LRRTM3: variants seen among roughly 807,000 people sequenced by gnomAD.
LRRTM3 encodes leucine rich repeat transmembrane neuronal 3, also known as leucine-rich repeat transmembrane neuronal protein 3.
In LRRTM3, 24 loss-of-function variants were observed where a neutral mutation model predicts 44.7. The ratio of observed to expected loss-of-function variants is 0.54; its 90% CI spans 0.39 to 0.76. The LOEUF (loss-of-function observed/expected upper bound fraction) is 0.76, where lower values mean the gene tolerates loss of function less well. Ranked by LOEUF, LRRTM3 falls within the 30% of genes least tolerant of loss-of-function variation. The pLI, the probability that LRRTM3 is intolerant of heterozygous loss-of-function variation, is 0.00. For missense variants in LRRTM3, 587 were observed against 702.2 expected (o/e 0.84, Z 1.85); for synonymous variants, 277 against 278.7 (o/e 0.99, Z 0.06).
At chr10:67,034,763 G>T (rs928879809) in intron 2 of LRRTM3, among the ~76,000 whole-genome samples, 1 of 152,138 alleles carries the variant, frequency 6.6e-6, no homozygotes, top group Admixed American at 6.6e-5. Flanking sequence ...TCTCTTTCAT[G>T]TAATATTAAA....
At chr10:67,080,778 G>A (rs1190519065) in intron 2 of LRRTM3, among the ~76,000 whole-genome samples, 2 of 151,866 alleles carry the variant, frequency 1.3e-5, no homozygotes, top group Non-Finnish European at 2.9e-5. Context: ...GCGTGGTGGC[G>A]GGCGCCTGTG....
chr10:67,041,720 C>T (rs1434853761), intron 2 of LRRTM3, among the ~76,000 whole-genome samples: 1 of 152,102 alleles, frequency 6.6e-6, no homozygotes, highest in African/African-American at 2.4e-5. Context: ...AAATTGAGTT[C>T]TTACCATGAG....
chr10:67,001,153 T>C (rs1313889509), intron 2 of LRRTM3, among the ~76,000 whole-genome samples: 1 of 150,782 alleles, frequency 6.6e-6, no homozygotes, highest in Admixed American at 6.6e-5. Flanking sequence ...ATACAAAAAT[T>C]AGCTAGGGGT....
intron 2 of LRRTM3, among the ~76,000 whole-genome samples, chr10:67,083,455 C>G (rs139056430): frequency 1.3e-5 from 2 of 151,792 alleles, no homozygotes; most frequent in Non-Finnish European, 2.9e-5. Flanking sequence ...GCAGAATAAC[C>G]TGATCCCACT....
chr10:67,068,123 T>C (rs1216560694), intron 2 of LRRTM3, among the ~76,000 whole-genome samples: 3 of 152,106 alleles, frequency 2.0e-5, no homozygotes, highest in South Asian at 2.1e-4. Flanking sequence ...GGAAACTATT[T>C]AGAGAAATAA....
chr10:67,022,860 C>T lies in LRRTM3; in HGVS notation c.1537-74727C>T, dbSNP rs1319136076. ...GGCTGAGGCAGGAGAATAGCTTGAA[C>T]CCGGGTGGCGGAGGTTGCAGTGAGC... On this transcript the variant is annotated intron_variant, in intron 2 of 2. Transcript: ENST00000361320. Among the ~76,000 whole-genome samples the T allele has an allele frequency of 5.9e-5, 9 of 152,186 alleles. No homozygotes were observed. The South Asian group carries it at 1.7e-3, about 28-fold the overall frequency.
intron 2 of LRRTM3, among the ~76,000 whole-genome samples, chr10:66,955,565 C>T (rs1848743443): frequency 2.6e-5 from 4 of 152,096 alleles, no homozygotes; most frequent in South Asian, 2.1e-4. Flanking sequence ...TCCTCATTGC[C>T]TCTCATAACA....
intron 2 of LRRTM3, among the ~76,000 whole-genome samples, chr10:67,025,027 G>C (rs552475700): frequency 4.0e-5 from 6 of 151,768 alleles, no homozygotes; most frequent in African/African-American, 1.4e-4. Context: ...CTACTCGGGA[G>C]GCTGAGGCAG....
intron 2 of LRRTM3, among the ~76,000 whole-genome samples, chr10:66,935,678 T>A (rs1234526060): frequency 6.6e-6 from 1 of 151,996 alleles, no homozygotes; most frequent in Non-Finnish European, 1.5e-5. Context: ...TCCTATAATG[T>A]GAAGATATTT....
chr10:66,959,712 A>G (rs1849013856), intron 2 of LRRTM3, among the ~76,000 whole-genome samples: 1 of 151,962 alleles, frequency 6.6e-6, no homozygotes. Flanking sequence ...TGCAATCTCT[A>G]ATTTCTTAAG....
chr10:66,966,689 A>G (rs951432342), intron 2 of LRRTM3, among the ~76,000 whole-genome samples: 2 of 152,096 alleles, frequency 1.3e-5, no homozygotes, highest in East Asian at 1.9e-4. Context: ...AAACATTAAC[A>G]TAAGAATAAA....
Position 66,927,754 on chromosome 10 carries a change from C to A in LRRTM3, c.838C>A (p.Leu280Met). 6.2e-7 allele frequency: 1 copy of A among 1,614,212 alleles called. No homozygotes were observed. Among genetic ancestry groups the A allele is most frequent in the East Asian group, 2.2e-5 (1 of 44,876 alleles). ...GPSVFQCVPN[L>M]QRLNLDSNKL... is the part of the protein sequence containing the mutation. ...CAGTGTTTTCCAGTGTGTCCCGAAT[C>A]TGCAGCGCCTCAACCTGGATTCCAA... The change falls in exon 2 of 3, where the codon CTG becomes ATG. Residue 280 changes from leucine (L) to methionine (M), a missense_variant. Leu to Met is a conservative substitution (Grantham distance 15). Around this residue, in one of 3 missense-constraint regions of LRRTM3, gnomAD observed 222 missense variants for 323.3 expected, o/e 0.69. Coordinates refer to ENST00000361320, the MANE Select transcript of LRRTM3 (RefSeq NM_178011.5). The surrounding 1 kb of genome is among the most constrained non-coding windows in gnomAD (Gnocchi z 4.7).
At chr10:67,010,306 C>G (rs1262730853) in intron 2 of LRRTM3, among the ~76,000 whole-genome samples, 1 of 152,088 alleles carries the variant, frequency 6.6e-6, no homozygotes, top group Non-Finnish European at 1.5e-5. Context: ...TTAGAATAAT[C>G]TTTGGATACA....
At chr10:66,975,087 A>T (rs1418857630) in intron 2 of LRRTM3, among the ~76,000 whole-genome samples, 1 of 152,148 alleles carries the variant, frequency 6.6e-6, no homozygotes, top group Non-Finnish European at 1.5e-5. Flanking sequence ...GTAGCTGACC[A>T]AAAGGGTCAT....
intron 2 of LRRTM3, among the ~76,000 whole-genome samples, chr10:66,940,481 AT>A (rs1449398443): frequency 6.6e-6 from 1 of 152,228 alleles, no homozygotes; most frequent in Non-Finnish European, 1.5e-5. Flanking sequence ...CTCTTAAAAA[AT>A]ATATGTATAT....
intron 2 of LRRTM3, among the ~76,000 whole-genome samples, chr10:67,019,708 C>G (rs1852876522): frequency 6.6e-6 from 1 of 152,160 alleles, no homozygotes; most frequent in Admixed American, 6.5e-5. Flanking sequence ...GTCATCCCTT[C>G]CATATAAATA....
chr10:67,081,801 T>G (rs1038058906), intron 2 of LRRTM3, among the ~76,000 whole-genome samples: 1 of 152,082 alleles, frequency 6.6e-6, no homozygotes, highest in Non-Finnish European at 1.5e-5. Context: ...AGCTCAAGAG[T>G]CTCCCCTCTG....
In LRRTM3 at chr10:66,996,649, C is replaced by CAAAAAAAAAAAAAAAAAAAAAAAA. The variant is rs57025097; in HGVS notation, c.1536+68219_1536+68220insAAAAAAAAAAAAAAAAAAAAAAAA. ...GTGAGAGAGTGAGACTCCGTCTCTA[C>CAAAAAAAAAAAAAAAAAAAAAAAA]AAAAAAAAAAAAAAAAAAAAAAGCA... On this transcript the variant is annotated intron_variant, in intron 2 of 2. Transcript: ENST00000361320. 5.9e-5 allele frequency among the ~76,000 whole-genome samples: 4 copies of CAAAAAAAAAAAAAAAAAAAAAAAA among 67,638 alleles called. 1 individual carries two copies. The highest frequency in any genetic ancestry group is 7.6e-5 in the Non-Finnish European group (3 of 39,544). 44.4% of individuals were successfully genotyped at this position (67,638 alleles called of 152,430 possible). A position where few individuals can be genotyped will look rare whatever the true frequency, so the allele number is the denominator to read the frequency against.
chr10:66,937,626 T>C (rs1300202690), intron 2 of LRRTM3, among the ~76,000 whole-genome samples: 1 of 152,154 alleles, frequency 6.6e-6, no homozygotes, highest in Non-Finnish European at 1.5e-5. Context: ...GTGATGGTAG[T>C]ACATAAAACC....
Sources: allele counts gnomAD v4.1 joint callset (sites outside exome capture counted in the v4.1 genomes callset), GRCh38; gene constraint gnomAD v4.1.1; regional missense constraint gnomAD v4.1.1; non-coding constraint Gnocchi (gnomAD v3.1); transcripts MANE v1.5; gene names NCBI Gene and HGNC (gene_info 2026-07-23, HGNC 2026-07-21).